Variants in SLC23A2 observed in about 807,000 individuals in gnomAD.
SLC23A2 encodes the protein solute carrier family 23 member 2, also known as Na(+)/L-ascorbic acid transporter 2.
Under a neutral mutation model 73.3 loss-of-function variants are expected in SLC23A2, and 36 were observed. The observed-to-expected ratio is 0.49, with a 90% confidence interval of 0.38 to 0.65. The LOEUF (loss-of-function observed/expected upper bound fraction) is 0.65, where lower values mean the gene tolerates loss of function less well. Ranked by LOEUF, SLC23A2 falls within the 30% of genes least tolerant of loss-of-function variation. The probability of loss-of-function intolerance (pLI) is 0.00; values close to 1 mark genes in which losing one functional copy is unlikely to be tolerated. For missense variants in SLC23A2, 507 were observed against 841.6 expected, an observed-to-expected ratio of 0.60 and a Z score of 4.92; for synonymous variants, 343 against 327.3, an observed-to-expected ratio of 1.05 and a Z score of -0.52.
In SLC23A2 at chr20:4,988,621, G is replaced by A. The variant is rs371489749; in HGVS notation, c.-282+12785C>T. The stretch of plus-strand genomic sequence containing the variant: ...CATGGTGGCACACACCTGTAGTCCC[G>A]GCTACTCGGGAGGCTGAGGCAGGAG... On this transcript the variant is annotated intron_variant, in intron 1 of 16. Transcript: ENST00000338244. Among the ~76,000 whole-genome samples, 975 of 150,314 alleles carry A rather than the reference G, an allele frequency of 6.5e-3. 44 individuals carry two copies. The South Asian group carries it at 0.14, about 22-fold the overall frequency.
intron 1 of SLC23A2, among the ~76,000 whole-genome samples, chr20:4,979,103 G>C (rs2087687834): frequency 6.6e-6 from 1 of 152,032 alleles, no homozygotes; most frequent in Non-Finnish European, 1.5e-5. Context: ...GACCAGCCTG[G>C]CCAACATGGC....
chr20:5,007,435 G>T (rs1191551603), intron 1 of SLC23A2, among the ~76,000 whole-genome samples: 1 of 152,184 alleles, frequency 6.6e-6, no homozygotes, highest in African/African-American at 2.4e-5. Flanking sequence ...GGAGGCTGAG[G>T]CAGGAAAATC....
intron 1 of SLC23A2, among the ~76,000 whole-genome samples, chr20:4,996,011 T>C (rs1235986199): frequency 6.6e-6 from 1 of 152,152 alleles, no homozygotes; most frequent in Non-Finnish European, 1.5e-5. Flanking sequence ...GACTCAGGAA[T>C]TAACTTACAG....
upstream of SLC23A2, chr20:5,001,598 C>T (rs2088128375): frequency 6.7e-6 from 1 of 148,812 alleles, no homozygotes; most frequent in Non-Finnish European, 1.5e-5. Flanking sequence ...CCGCCCCCGA[C>T]CCCTGCCCTC....
At chr20:4,949,305 A>G (rs939249386) in intron 2 of SLC23A2, among the ~76,000 whole-genome samples, 3 of 151,184 alleles carry the variant, frequency 2.0e-5, no homozygotes, top group African/African-American at 4.9e-5. Context: ...AAAAAAAAAA[A>G]GGAAAACATA....
chr20:4,969,559 G>T lies in SLC23A2; in HGVS notation c.-155+1234C>A, dbSNP rs1037826928. Among the ~76,000 whole-genome samples, 7 of 150,094 alleles carry T rather than the reference G, an allele frequency of 4.7e-5. 1 individual carries two copies. The highest frequency in any genetic ancestry group is 6.6e-3 in the Middle Eastern group (2 of 304). ...TACTGAATAAATTTAGTTTTAACAAGTCAATGTATCTGACAGCATCCTTTT... is the reference window on the plus strand; with the variant it reads ...TACTGAATAAATTTAGTTTTAACAATTCAATGTATCTGACAGCATCCTTTT... On this transcript the variant is annotated intron_variant, in intron 2 of 16. Coordinates refer to ENST00000338244, the MANE Select transcript of SLC23A2 (RefSeq NM_005116.6).
chr20:5,008,136 C>T (rs998639096), intron 1 of SLC23A2, among the ~76,000 whole-genome samples: 3 of 152,176 alleles, frequency 2.0e-5, no homozygotes, highest in Admixed American at 1.3e-4. Flanking sequence ...TCTCGAACTC[C>T]TGACCTCAGG....
chr20:4,953,892 T>C (rs563084573), intron 2 of SLC23A2, among the ~76,000 whole-genome samples: 1 of 151,672 alleles, frequency 6.6e-6, no homozygotes, highest in Non-Finnish European at 1.5e-5. Context: ...GTCTCAAAAA[T>C]AGATAAATAA....
intron 9 of SLC23A2, among the ~76,000 whole-genome samples, chr20:4,880,921 A>T (rs1930857894): frequency 6.6e-6 from 1 of 152,202 alleles, no homozygotes; most frequent in Non-Finnish European, 1.5e-5. Flanking sequence ...CCTGGGAGAC[A>T]TGAGGGAGAA....
In SLC23A2 at chr20:4,883,213, T is replaced by A. The variant is rs1442439042; in HGVS notation, c.824+429A>T. Among the ~76,000 whole-genome samples, 1 of 152,104 alleles carries A rather than the reference T, an allele frequency of 6.6e-6. No homozygotes were observed. Among genetic ancestry groups the A allele is most frequent in the Non-Finnish European group, 1.5e-5 (1 of 68,014 alleles). Reference sequence around the variant, plus strand: ...TGGCCTGGGGAGAAGAGTCACATCATCAATGGCAACAGACCTTTCCCACGA... The same window carrying A: ...TGGCCTGGGGAGAAGAGTCACATCAACAATGGCAACAGACCTTTCCCACGA... On this transcript the variant is annotated intron_variant, in intron 9 of 16. Transcript: ENST00000338244. The surrounding 1 kb of genome is among the most constrained non-coding windows in gnomAD (Gnocchi z 4.5).
chr20:4,933,668 C>T (rs1932813990), intron 2 of SLC23A2, among the ~76,000 whole-genome samples: 1 of 151,994 alleles, frequency 6.6e-6, no homozygotes, highest in Admixed American at 6.6e-5. Flanking sequence ...CAGAGGATCC[C>T]TCCAAGGAAT....
intron 1 of SLC23A2, among the ~76,000 whole-genome samples, chr20:4,982,768 G>C (rs2087746260): frequency 6.6e-6 from 1 of 152,164 alleles, no homozygotes; most frequent in African/African-American, 2.4e-5. Flanking sequence ...ACGTAATGGG[G>C]GGTAGAGTCA....
At chr20:4,926,084 G>A (rs935867220) in intron 3 of SLC23A2, among the ~76,000 whole-genome samples, 1 of 152,152 alleles carries the variant, frequency 6.6e-6, no homozygotes, top group Admixed American at 6.5e-5. Context: ...TACATGTTCT[G>A]AAGAACACAC....
At position 4,857,181 on chromosome 20, in the gene SLC23A2, G is replaced by A. The variant is rs139545711; in HGVS notation, c.1744C>T (p.Arg582Trp). The change falls in exon 17 of 17, where the codon CGG becomes TGG. Residue 582 changes from arginine (R) to tryptophan (W), a missense_variant. Physicochemically the swap from Arg to Trp is moderately radical, Grantham distance 101 (BLOSUM62 -3). Coordinates refer to ENST00000338244, the MANE Select transcript of SLC23A2 (RefSeq NM_005116.6). This position sits in a 1 kb window ranked among gnomAD's most constrained non-coding sequence, Gnocchi z 4.0. ...IPGTPEERGI[R>W]KWKKGVGKGN... ...TTGCCCACACCCTTCTTCCATTTCC[G>A]GATTCCTCTTTCCTCTGGAGTGCCT... The A allele has an allele frequency of 1.2e-4, 193 of 1,607,594 alleles. No individual in the cohort carries two copies. Among genetic ancestry groups the A allele is most frequent in the Non-Finnish European group, 1.5e-4 (180 of 1,175,694 alleles).
chr20:4,989,120 T>C (rs2087881974), intron 1 of SLC23A2, among the ~76,000 whole-genome samples: 1 of 151,152 alleles, frequency 6.6e-6, no homozygotes, highest in Non-Finnish European at 1.5e-5. Context: ...GTGCCTGTAG[T>C]CCCAGCTACT....
chr20:4,982,689 T>C (rs1251914278), intron 1 of SLC23A2, among the ~76,000 whole-genome samples: 1 of 152,150 alleles, frequency 6.6e-6, no homozygotes, highest in Non-Finnish European at 1.5e-5. Context: ...CCATATAGAT[T>C]AACAGAATAC....
intron 9 of SLC23A2, 41 bp from the exon 10 acceptor site, chr20:4,874,737 T>G (rs375255204): frequency 1.4e-5 from 22 of 1,527,384 alleles, no homozygotes; most frequent in Non-Finnish European, 1.7e-5. Context: ...AAAGCTGTTA[T>G]GTCTCTGTTA....
At chr20:4,963,590 A>C (rs1292208597) in intron 2 of SLC23A2, among the ~76,000 whole-genome samples, 1 of 152,116 alleles carries the variant, frequency 6.6e-6, no homozygotes, top group Non-Finnish European at 1.5e-5. Flanking sequence ...GCTCACGCCT[A>C]TAATTCCAGC....
At position 4,957,873 on chromosome 20, in the gene SLC23A2, C is replaced by T. The variant is rs930706751; in HGVS notation, c.-155+12920G>A. Among the ~76,000 whole-genome samples the T allele has an allele frequency of 4.6e-5, 7 of 150,732 alleles. No individual in the cohort carries two copies. The East Asian group carries it at 1.2e-3, about 25-fold the overall frequency. ...CCAAGATCGTCCCACTGCACTCCAG[C>T]CTGGGCAACAGAGTGAGACTCCATC... On this transcript the variant is annotated intron_variant, in intron 2 of 16. Transcript: ENST00000338244.
Sources: gnomAD v4.1 joint callset for allele counts (sites outside exome capture counted in the v4.1 genomes callset) on GRCh38, gnomAD v4.1.1 for gene constraint, Gnocchi (gnomAD v3.1) non-coding constraint, MANE v1.5 for transcripts, NCBI Gene and HGNC (gene_info 2026-07-23, HGNC 2026-07-21) for gene names.